ANK3: variants seen among roughly 807,000 people sequenced by gnomAD.
ANK3 encodes ankyrin 3, also known as ankyrin-3.
A neutral mutation model predicts 370.9 loss-of-function variants in ANK3; 57 were observed. The ratio of observed to expected loss-of-function variants is 0.15; its 90% CI spans 0.12 to 0.19. The LOEUF (loss-of-function observed/expected upper bound fraction) is 0.19, where lower values mean the gene tolerates loss of function less well. Among genes scored for constraint, ANK3 ranks in the 10% least tolerant of loss-of-function variants. ANK3 has a pLI of 1.00. For missense variants in ANK3, 4,439 were observed against 5,302.1 expected, an observed-to-expected ratio of 0.84 and a Z score of 5.06; for synonymous variants, 1,929 against 1,946.3, an observed-to-expected ratio of 0.99 and a Z score of 0.23.
At chr10:60,430,397 T>C (rs867834677) in intron 2 of ANK3, among the ~76,000 whole-genome samples, 6 of 152,106 alleles carry the variant, frequency 3.9e-5, no homozygotes, top group African/African-American at 1.2e-4. Context: ...CGGTGGTCCA[T>C]AGAGTGCAAG....
chr10:60,522,756 A>G (rs1033721677), intron 2 of ANK3, among the ~76,000 whole-genome samples: 2 of 152,116 alleles, frequency 1.3e-5, no homozygotes, highest in Admixed American at 1.3e-4. Context: ...GATATTTTTA[A>G]AGACTAAAAT....
chr10:60,562,005 T>C (rs1346197681), intron 2 of ANK3, among the ~76,000 whole-genome samples: 1 of 152,248 alleles, frequency 6.6e-6, no homozygotes, highest in African/African-American at 2.4e-5. Flanking sequence ...ATGTATTCCT[T>C]GCACCTAGAA....
intron 7 of ANK3, among the ~76,000 whole-genome samples, chr10:60,248,479 T>C (rs774046779): frequency 1.3e-5 from 2 of 152,116 alleles, no homozygotes; most frequent in African/African-American, 2.4e-5. Context: ...AAGATTGACA[T>C]AGTAAATGCC....
Position 60,072,197 on chromosome 10 carries a change from T to C in ANK3, c.8684A>G (p.Asn2895Ser), listed in dbSNP as rs747994876. The C allele has an allele frequency of 1.1e-5, 17 of 1,613,788 alleles. No homozygotes were observed. Among genetic ancestry groups the C allele is most frequent in the Non-Finnish European group, 1.4e-5 (16 of 1,179,976 alleles). Residue 2895 changes from asparagine to serine, a missense_variant, in exon 37 of 44, where the codon AAT becomes AGT. Physicochemically the swap from Asn to Ser is conservative, Grantham distance 46. This residue lies in a region of ANK3 where 1,601 missense variants were observed against 1,731.7 expected (regional missense o/e 0.92). Coordinates refer to ENST00000280772, the MANE Select transcript of ANK3 (RefSeq NM_020987.5). ...TCTCTCAGTCACAGACATAAATTCA[T>C]TCTTTTGATCAACACTTTTACTCTC... ...HPESKSVDQK[N>S]EFMSVTERER...
intron 25 of ANK3, among the ~76,000 whole-genome samples, chr10:60,132,921 T>G (rs1259987844): frequency 6.6e-6 from 1 of 152,064 alleles, no homozygotes; most frequent in Non-Finnish European, 1.5e-5. Context: ...CAGCCTATAA[T>G]CATTTTTAAT....
chr10:60,383,668 C>A (rs1464664663), intron 1 of ANK3, among the ~76,000 whole-genome samples: 2 of 152,028 alleles, frequency 1.3e-5, no homozygotes, highest in South Asian at 2.1e-4. Flanking sequence ...TGCTAATTGA[C>A]CATGCTCCCT....
intron 2 of ANK3, among the ~76,000 whole-genome samples, chr10:60,479,667 C>T (rs2133098395): frequency 6.6e-6 from 1 of 152,102 alleles, no homozygotes; most frequent in South Asian, 2.1e-4. Context: ...GAAACTGAAA[C>T]ACCGAGAAGT....
rs560812686 is a variant in ANK3, at chr10:60,556,322, T to A, written c.96+58864A>T. Reference sequence around the variant, plus strand: ...TGTAAATTTTTTTTTTCTGGACTACTGTTCTATCTTATGCCCTCTGTTCTG... The same window carrying A: ...TGTAAATTTTTTTTTTCTGGACTACAGTTCTATCTTATGCCCTCTGTTCTG... On this transcript the variant is annotated intron_variant, in intron 2 of 43. Coordinates refer to the ANK3 transcript ENST00000373827. Among the ~76,000 whole-genome samples, 4 of 152,308 alleles carry A rather than the reference T, an allele frequency of 2.6e-5. No homozygotes were observed. In the South Asian group the frequency reaches 8.3e-4, roughly 32 times the overall value.
chr10:60,459,100 A>C (rs1040731359), intron 2 of ANK3, among the ~76,000 whole-genome samples: 1 of 152,156 alleles, frequency 6.6e-6, no homozygotes, highest in Non-Finnish European at 1.5e-5. Flanking sequence ...AAAAGTACTC[A>C]ACTGTGTCTT....
At chr10:60,253,518 T>C (rs1223934554) in intron 7 of ANK3, among the ~76,000 whole-genome samples, 3 of 152,212 alleles carry the variant, frequency 2.0e-5, no homozygotes, top group African/African-American at 7.2e-5. Context: ...TCCTTTGATG[T>C]GGCATTCAGG....
At chr10:60,054,266 CTT>C (rs995168959) in intron 42 of ANK3, among the ~76,000 whole-genome samples, 1 of 152,116 alleles carries the variant, frequency 6.6e-6, no homozygotes, top group African/African-American at 2.4e-5. Context: ...TAAAAGGAAA[CTT>C]ATCCAAAACT....
intron 1 of ANK3, among the ~76,000 whole-genome samples, chr10:60,351,666 A>G (rs987985870): frequency 1.3e-5 from 2 of 152,226 alleles, no homozygotes; most frequent in African/African-American, 4.8e-5. Flanking sequence ...TGACAGGCTC[A>G]GGTAGAAGTG....
intron 17 of ANK3, 170 bp downstream of exon 17, chr10:60,186,545 G>C (rs1431946780): frequency 2.7e-6 from 2 of 754,004 alleles, no homozygotes; most frequent in Non-Finnish European, 4.6e-6. Context: ...TGTTTAAACA[G>C]ATTGTTTCCA....
intron 1 of ANK3, among the ~76,000 whole-genome samples, chr10:60,662,421 G>A (rs1350750210): frequency 6.6e-6 from 1 of 151,932 alleles, no homozygotes; most frequent in Non-Finnish European, 1.5e-5. Context: ...CAAAATTCTG[G>A]GGAAAATCAA....
chr10:60,597,854 T>C (rs1313911971), intron 2 of ANK3, among the ~76,000 whole-genome samples: 2 of 152,164 alleles, frequency 1.3e-5, no homozygotes, highest in Non-Finnish European at 2.9e-5. Flanking sequence ...AATATTCTTA[T>C]AAGGACTGAA....
At chr10:60,616,860 A>G (rs1464144356) in intron 1 of ANK3, among the ~76,000 whole-genome samples, 1 of 152,154 alleles carries the variant, frequency 6.6e-6, no homozygotes, top group African/African-American at 2.4e-5. Context: ...AATATATCTT[A>G]GCATTTTCAT....
At chr10:60,330,506 C>A (rs1238757636) in intron 1 of ANK3, among the ~76,000 whole-genome samples, 3 of 151,954 alleles carry the variant, frequency 2.0e-5, no homozygotes, top group African/African-American at 7.3e-5. Context: ...ATGCGGCCAA[C>A]AAACATGAAA....
intron 1 of ANK3, among the ~76,000 whole-genome samples, chr10:60,623,631 G>A (rs939429059): frequency 1.2e-4 from 18 of 152,194 alleles, no homozygotes; most frequent in African/African-American, 4.3e-4. Context: ...AAGTGACAAT[G>A]ACTAAGACTA....
chr10:60,368,543 A>G (rs2059701206), intron 1 of ANK3, among the ~76,000 whole-genome samples: 2 of 152,192 alleles, frequency 1.3e-5, no homozygotes, highest in South Asian at 4.1e-4. Flanking sequence ...GGGAGTATAC[A>G]CCACACAAAG....
Sources: allele counts gnomAD v4.1 joint callset (sites outside exome capture counted in the v4.1 genomes callset), GRCh38; gene constraint gnomAD v4.1.1; regional missense constraint gnomAD v4.1.1; transcripts MANE v1.5; gene names NCBI Gene and HGNC (gene_info 2026-07-23, HGNC 2026-07-21).